Variants in GKAP1 observed in about 807,000 individuals in gnomAD.
GKAP1 encodes G kinase anchoring protein 1.
Under a neutral mutation model 56.7 loss-of-function variants are expected in GKAP1, and 31 were observed. The ratio of observed to expected loss-of-function variants is 0.55; its 90% CI spans 0.41 to 0.74. The LOEUF is 0.74. Among genes scored for constraint, GKAP1 ranks in the 30% least tolerant of loss-of-function variants. The probability of loss-of-function intolerance (pLI) is 0.00; values close to 1 mark genes in which losing one functional copy is unlikely to be tolerated. For synonymous variants in GKAP1, 151 were observed against 138.6 expected (o/e 1.09, Z -0.63); for missense variants, 364 against 402.3 (o/e 0.90, Z 0.82).
intron 8 of GKAP1, among the ~76,000 whole-genome samples, chr9:83,762,248 T>C (rs755123554): frequency 1.1e-4 from 16 of 152,046 alleles, no homozygotes; most frequent in African/African-American, 2.2e-4. Context: ...AGCATTTCTA[T>C]AGGCCAACAG....
chr9:83,749,744 A>G (rs577748606), intron 9 of GKAP1, among the ~76,000 whole-genome samples: 2 of 148,586 alleles, frequency 1.3e-5, no homozygotes, highest in South Asian at 4.3e-4. Flanking sequence ...GGCTTTTACT[A>G]AATAGTACTC....
intron 5 of GKAP1, among the ~76,000 whole-genome samples, chr9:83,785,379 C>G (rs762272148): frequency 2.0e-4 from 30 of 152,130 alleles, no homozygotes; most frequent in Non-Finnish European, 3.7e-4. Flanking sequence ...CACTGCTCTT[C>G]AATCTCAAAG....
intron 7 of GKAP1, among the ~76,000 whole-genome samples, chr9:83,779,320 A>G (rs1037559012): frequency 6.6e-6 from 1 of 151,456 alleles, no homozygotes; most frequent in Non-Finnish European, 1.5e-5. Context: ...CTAAATTATT[A>G]ATACAATCAC....
At chr9:83,742,094 C>T in intron 11 of GKAP1, 65 bp from the exon 12 acceptor site, 2 of 929,160 alleles carry the variant, frequency 2.2e-6, no homozygotes, top group Non-Finnish European at 3.4e-6. Context: ...CAATTCTTAA[C>T]ATATTCACAA....
At chr9:83,816,471 C>T (rs557633232) in intron 2 of GKAP1, among the ~76,000 whole-genome samples, 2 of 152,330 alleles carry the variant, frequency 1.3e-5, no homozygotes, top group South Asian at 4.1e-4. Context: ...TTTTGGTCAA[C>T]TTCTGGGTTT....
At chr9:83,790,990 G>A (rs963958658) in intron 4 of GKAP1, among the ~76,000 whole-genome samples, 1 of 152,096 alleles carries the variant, frequency 6.6e-6, no homozygotes, top group Admixed American at 6.5e-5. Flanking sequence ...TAAGTTAGTG[G>A]GCAGAACAGG....
chr9:83,812,995 TAAG>T (rs1944533674), intron 2 of GKAP1, among the ~76,000 whole-genome samples: 1 of 152,186 alleles, frequency 6.6e-6, no homozygotes, highest in African/African-American at 2.4e-5. Context: ...TTAATCTTGA[TAAG>T]AAGAAACAAA....
chr9:83,791,112 G>C (rs899717437), intron 4 of GKAP1, among the ~76,000 whole-genome samples: 5 of 152,088 alleles, frequency 3.3e-5, no homozygotes, highest in African/African-American at 1.2e-4. Flanking sequence ...GAATGAAATA[G>C]AAATTTTAGG....
intron 3 of GKAP1, among the ~76,000 whole-genome samples, chr9:83,800,181 C>T (rs770319941): frequency 3.3e-4 from 50 of 151,460 alleles, no homozygotes; most frequent in Non-Finnish European, 5.0e-4. Context: ...GTAGTTGAAA[C>T]GAGAGAAAAA....
At chr9:83,805,331 G>GAAGGCC (rs985378960) in intron 3 of GKAP1, among the ~76,000 whole-genome samples, 1 of 152,080 alleles carries the variant, frequency 6.6e-6, no homozygotes, top group African/African-American at 2.4e-5. Flanking sequence ...AAACACTGCG[G>GAAGGCC]AAGGCCGCAG....
intron 5 of GKAP1, among the ~76,000 whole-genome samples, chr9:83,787,287 A>G (rs1182493224): frequency 1.3e-5 from 2 of 152,102 alleles, no homozygotes; most frequent in Non-Finnish European, 2.9e-5. Flanking sequence ...AGGCAGGAGG[A>G]GTGCAGTGGG....
At chr9:83,797,085 G>A (rs903392462) in intron 4 of GKAP1, among the ~76,000 whole-genome samples, 8 of 152,144 alleles carry the variant, frequency 5.3e-5, no homozygotes, top group African/African-American at 1.7e-4. Flanking sequence ...ATAAACAGGC[G>A]AACTGAGTGC....
intron 3 of GKAP1, among the ~76,000 whole-genome samples, chr9:83,804,872 C>G (rs1417044740): frequency 9.4e-5 from 14 of 149,086 alleles, no homozygotes; most frequent in African/African-American, 2.7e-4. Flanking sequence ...GCCCGGCCAG[C>G]CGCCCCGTCC....
intron 2 of GKAP1, among the ~76,000 whole-genome samples, chr9:83,810,288 AATC>A (rs1283577891): frequency 6.6e-6 from 1 of 152,200 alleles, no homozygotes; most frequent in African/African-American, 2.4e-5. Context: ...AATTCTAAGA[AATC>A]ATTATTTAAA....
intron 4 of GKAP1, among the ~76,000 whole-genome samples, 159 bp downstream of exon 4, chr9:83,799,026 T>G (rs1362030254): frequency 1.3e-5 from 2 of 152,218 alleles, no homozygotes; most frequent in South Asian, 4.1e-4. Context: ...TGTTTTTCAG[T>G]AGATCAAAAA....
intron 3 of GKAP1, among the ~76,000 whole-genome samples, chr9:83,802,371 C>G (rs936071564): frequency 1.6e-5 from 2 of 122,508 alleles, no homozygotes; most frequent in Admixed American, 7.5e-5. Flanking sequence ...CCCAGCTACT[C>G]GAGAGGCTGA....
Position 83,799,302 on chromosome 9 carries a change from A to C in GKAP1, c.243T>G (p.Ile81Met). The C allele has an allele frequency of 6.3e-7, 1 of 1,597,466 alleles. No individual in the cohort carries two copies. Among genetic ancestry groups the C allele is most frequent in the Non-Finnish European group, 8.5e-7 (1 of 1,175,206 alleles). Reference sequence around the variant, plus strand: ...AAACAGCATGGGAGGATTTCTGGGGAATTTTCTTAAAAGCAAGATTCCTGA... The same window carrying C: ...AAACAGCATGGGAGGATTTCTGGGGCATTTTCTTAAAAGCAAGATTCCTGA... The part of the protein sequence containing the change: ...NELRNLAFKK[I>M]PQKSSHAVCN... Residue 81 changes from isoleucine to methionine, a missense_variant, in exon 4 of 13, where the codon ATT becomes ATG. Coordinates refer to ENST00000376371, the MANE Select transcript of GKAP1 (RefSeq NM_025211.4).
At chr9:83,803,716 C>A (rs1217278364) in intron 3 of GKAP1, among the ~76,000 whole-genome samples, 1 of 149,200 alleles carries the variant, frequency 6.7e-6, no homozygotes, top group Non-Finnish European at 1.5e-5. Context: ...GGCAGCCCAT[C>A]GTCTGGGACG....
At chr9:83,804,930 G>A (rs1391812989) in intron 3 of GKAP1, among the ~76,000 whole-genome samples, 1 of 151,938 alleles carries the variant, frequency 6.6e-6, no homozygotes, top group Non-Finnish European at 1.5e-5. Flanking sequence ...GGGAAGTGAG[G>A]AGCCCCTCTG....
Sources: allele counts gnomAD v4.1 joint callset (sites outside exome capture counted in the v4.1 genomes callset), GRCh38; gene constraint gnomAD v4.1.1; transcripts MANE v1.5; gene names NCBI Gene and HGNC (gene_info 2026-07-23, HGNC 2026-07-21).